The following ITFG1 variants were observed in gnomAD, a reference collection of about 807,000 sequenced individuals.
ITFG1 encodes the protein T-cell immunomodulatory protein.
Under a neutral mutation model 81.8 loss-of-function variants are expected in ITFG1, and 34 were observed. The observed-to-expected ratio is 0.42, with a 90% CI of 0.32 to 0.55. The LOEUF is 0.55. Ranked by LOEUF, ITFG1 falls within the 20% of genes least tolerant of loss-of-function variation. The pLI, the probability that ITFG1 is intolerant of heterozygous loss-of-function variation, is 0.17. For missense variants in ITFG1, 672 were observed against 755.4 expected, an observed-to-expected ratio of 0.89 and a Z score of 1.29; for synonymous variants, 285 against 270.6, an observed-to-expected ratio of 1.05 and a Z score of -0.52.
At chr16:47,322,799 A>G (rs1361228521) in intron 8 of ITFG1, among the ~76,000 whole-genome samples, 1 of 152,220 alleles carries the variant, frequency 6.6e-6, no homozygotes, top group Non-Finnish European at 1.5e-5. Flanking sequence ...CAGAGCACTT[A>G]AAATCTACTC....
At chr16:47,246,463 C>T (rs935932203) in intron 12 of ITFG1, among the ~76,000 whole-genome samples, 29 of 152,180 alleles carry the variant, frequency 1.9e-4, no homozygotes, top group Non-Finnish European at 3.5e-4. Flanking sequence ...AGAAACAATA[C>T]TAACCCTTGA....
At position 47,407,780 on chromosome 16, in the gene ITFG1, A is replaced by G. The variant is rs74016206; in HGVS notation, c.655+21024T>C. Among the ~76,000 whole-genome samples the G allele has an allele frequency of 7.2e-3, 1,100 of 152,328 alleles. 14 individuals are homozygous for G. Among genetic ancestry groups the G allele is most frequent in the African/African-American group, 0.025 (1,024 of 41,582 alleles). On this transcript the variant is annotated intron_variant, in intron 6 of 17. Transcript: ENST00000320640. ...AAATAGTCTGAACTGTCTATCAGAC[A>G]TGGACATAAAAGTGGACATGGCTAG...
At chr16:47,341,792 A>G (rs1967788265) in intron 8 of ITFG1, among the ~76,000 whole-genome samples, 1 of 152,204 alleles carries the variant, frequency 6.6e-6, no homozygotes, top group Admixed American at 6.5e-5. Flanking sequence ...AATATTAACA[A>G]TTGTGTGACA....
chr16:47,439,473 T>C (rs1596985533), intron 5 of ITFG1, among the ~76,000 whole-genome samples: 1 of 152,156 alleles, frequency 6.6e-6, no homozygotes, highest in East Asian at 1.9e-4. Flanking sequence ...GCCATCAGAC[T>C]AACAGCTGAT....
In ITFG1 at chr16:47,207,481, G is replaced by A. The variant is rs535298837; in HGVS notation, c.1453+11387C>T. Among the ~76,000 whole-genome samples, 7 of 152,346 alleles carry A rather than the reference G, an allele frequency of 4.6e-5. No homozygotes were observed. In the South Asian group the frequency reaches 6.2e-4, roughly 14 times the overall value. On this transcript the variant is annotated intron_variant, in intron 14 of 17. Coordinates refer to ENST00000320640, the MANE Select transcript of ITFG1 (RefSeq NM_030790.5). ...TGAAGTACAGAAGGGGAATAGTGAG[G>A]AGTGGGGAGTGTTGTGGTTTTCAAA... is the stretch of plus-strand genomic sequence containing the variant.
Position 47,320,758 on chromosome 16 carries a change from A to C in ITFG1, c.803-6935T>G, listed in dbSNP as rs8057973. Reference sequence around the variant, plus strand: ...GCCCTATCACTGTGGTATTCTGTGTATTTAATACAGTGGTATGCTCTGCCT... The same window carrying C: ...GCCCTATCACTGTGGTATTCTGTGTCTTTAATACAGTGGTATGCTCTGCCT... On this transcript the variant is annotated intron_variant, in intron 8 of 17. Coordinates refer to ENST00000320640, the MANE Select transcript of ITFG1 (RefSeq NM_030790.5). Among the ~76,000 whole-genome samples the C allele has an allele frequency of 1.7e-3, 264 of 152,330 alleles. 2 individuals carry two copies. The highest frequency in any genetic ancestry group is 6.0e-3 in the African/African-American group (250 of 41,580).
intron 2 of ITFG1, among the ~76,000 whole-genome samples, chr16:47,455,777 C>CAAA (rs1325999369): frequency 1.3e-3 from 61 of 45,792 alleles, no homozygotes; most frequent in Non-Finnish European, 1.8e-3. Flanking sequence ...CATCCCCCAC[C>CAAA]AAAAAAAAAA....
intron 8 of ITFG1, among the ~76,000 whole-genome samples, chr16:47,354,250 C>G (rs1051959820): frequency 7.2e-5 from 11 of 152,034 alleles, no homozygotes; most frequent in African/African-American, 2.7e-4. Context: ...TAAATCCATG[C>G]ATCTACAGCC....
intron 14 of ITFG1, among the ~76,000 whole-genome samples, chr16:47,183,327 G>C (rs1021746108): frequency 6.6e-6 from 1 of 152,208 alleles, no homozygotes; most frequent in African/African-American, 2.4e-5. Context: ...TCTGGGGGCA[G>C]GGCACAGACA....
At chr16:47,232,275 G>A (rs1003872975) in intron 13 of ITFG1, among the ~76,000 whole-genome samples, 6 of 152,210 alleles carry the variant, frequency 3.9e-5, no homozygotes, top group Non-Finnish European at 8.8e-5. Context: ...TTACAGACAT[G>A]GAGAATGAGG....
At chr16:47,407,500 C>T (rs1483284375) in intron 6 of ITFG1, among the ~76,000 whole-genome samples, 1 of 152,102 alleles carries the variant, frequency 6.6e-6, no homozygotes, top group African/African-American at 2.4e-5. Context: ...ACAGACATGC[C>T]TGGCTAATTT....
At chr16:47,316,941 T>G (rs1967369422) in intron 8 of ITFG1, among the ~76,000 whole-genome samples, 1 of 152,186 alleles carries the variant, frequency 6.6e-6, no homozygotes, top group Non-Finnish European at 1.5e-5. Context: ...AACCAGGAAT[T>G]TATAACTTTG....
At chr16:47,156,040 TATC>T (rs1399016098) in intron 17 of ITFG1, among the ~76,000 whole-genome samples, 1 of 152,244 alleles carries the variant, frequency 6.6e-6, no homozygotes, top group Non-Finnish European at 1.5e-5. Flanking sequence ...CTTAGCTTCT[TATC>T]ATTTATTATC....
At chr16:47,365,572 C>T (rs1968166030) in intron 8 of ITFG1, 1 of 444,222 alleles carries the variant, frequency 2.3e-6, no homozygotes, top group African/African-American at 2.0e-5. Flanking sequence ...CAGTATCAAA[C>T]TATTTTTTAA....
intron 8 of ITFG1, among the ~76,000 whole-genome samples, chr16:47,320,516 T>C (rs939182314): frequency 6.6e-6 from 1 of 152,252 alleles, no homozygotes; most frequent in Admixed American, 6.5e-5. Context: ...CAGATGGATA[T>C]CTGGTTAGCT....
chr16:47,196,594 G>C (rs532159924), intron 14 of ITFG1: 1 of 152,188 alleles, frequency 6.6e-6, no homozygotes, highest in Non-Finnish European at 1.5e-5. Flanking sequence ...TTGGAAGGGA[G>C]GTTGCCCACG....
At chr16:47,208,191 G>A (rs1203036454) in intron 14 of ITFG1, among the ~76,000 whole-genome samples, 1 of 152,132 alleles carries the variant, frequency 6.6e-6, no homozygotes, top group Non-Finnish European at 1.5e-5. Flanking sequence ...AGAGAACCTG[G>A]AGCCAGGCTG....
chr16:47,214,620 C>T (rs768239704), intron 14 of ITFG1, among the ~76,000 whole-genome samples: 3 of 152,028 alleles, frequency 2.0e-5, no homozygotes, highest in Non-Finnish European at 4.4e-5. Flanking sequence ...AATAAATGTA[C>T]TTTATTTTTA....
intron 6 of ITFG1, among the ~76,000 whole-genome samples, chr16:47,389,049 A>C (rs1968497825): frequency 6.6e-6 from 1 of 152,296 alleles, no homozygotes; most frequent in East Asian, 1.9e-4. Flanking sequence ...AAGATGTTTA[A>C]AAGTAGGAAA....
Sources: gnomAD v4.1 joint callset for allele counts (sites outside exome capture counted in the v4.1 genomes callset) on GRCh38, gnomAD v4.1.1 for gene constraint, MANE v1.5 for transcripts, NCBI Gene and HGNC (gene_info 2026-07-23, HGNC 2026-07-21) for gene names.